The following SLC27A4 variants were observed in gnomAD, a reference collection of about 807,000 sequenced individuals.
SLC27A4 encodes the protein solute carrier family 27 member 4.
Under a neutral mutation model 64.4 loss-of-function variants are expected in SLC27A4, and 33 were observed. That is an observed-to-expected ratio of 0.51 (90% CI 0.39 to 0.68). SLC27A4 has a LOEUF of 0.68. Among genes scored for constraint, SLC27A4 ranks in the 30% least tolerant of loss-of-function variants. The pLI is 0.00. For missense variants in SLC27A4, 824 were observed against 883.5 expected (o/e 0.93, Z 0.85); for synonymous variants, 377 against 370.0 (o/e 1.02, Z -0.22).
Position 128,353,708 on chromosome 9 carries a change from G to T in SLC27A4, c.1324+167G>T, listed in dbSNP as rs909944610. On this transcript the variant is annotated intron_variant, in intron 9 of 12. Coordinates refer to ENST00000300456, the MANE Select transcript of SLC27A4 (RefSeq NM_005094.4). The surrounding 1 kb of genome is among the most constrained non-coding windows in gnomAD (Gnocchi z 4.9). ...TATCCATCCATTCATTCATTCATTC[G>T]CCATTCTATCTGTACATCAGTCCAT... Among the ~76,000 whole-genome samples, 4 of 151,164 alleles carry T rather than the reference G, an allele frequency of 2.6e-5. No individual in the cohort carries two copies. The highest frequency in any genetic ancestry group is 5.9e-5 in the Non-Finnish European group (4 of 67,912).
intron 6 of SLC27A4, among the ~76,000 whole-genome samples, chr9:128,352,068 G>A (rs972550341): frequency 9.9e-5 from 15 of 151,812 alleles, no homozygotes; most frequent in South Asian, 2.1e-4. Context: ...GGTGGCGGGC[G>A]CCTGTAGTCC....
At chr9:128,341,902 C>T (rs1832578122) in intron 1 of SLC27A4, among the ~76,000 whole-genome samples, 2 of 152,086 alleles carry the variant, frequency 1.3e-5, no homozygotes, top group Admixed American at 1.3e-4. Context: ...CCATGCCTGG[C>T]TAATTTTTGT....
Position 128,355,789 on chromosome 9 carries a change from C to T in SLC27A4, c.1767C>T (p.His589=), listed in dbSNP as rs1403148769. 6.2e-7 allele frequency: 1 copy of T among 1,613,370 alleles called. No individual in the cohort carries two copies. Among genetic ancestry groups the T allele is most frequent in the Non-Finnish European group, 8.5e-7 (1 of 1,180,040 alleles). The change falls in exon 12 of 13, where the codon CAC becomes CAT. Residue 589 remains histidine (H), a synonymous_variant. Transcript: ENST00000300456. ...PIFLRLLPEL[H]KTGTYKFQKT... is the part of the protein sequence containing the mutation. ...TCCTGCGCCTCCTGCCTGAGCTGCACAAAACAGGTGTGTCCCTCCCCTGCT... is the reference window on the plus strand; with the variant it reads ...TCCTGCGCCTCCTGCCTGAGCTGCATAAAACAGGTGTGTCCCTCCCCTGCT...
At chr9:128,356,815 A>G (rs1197033476) in intron 12 of SLC27A4, among the ~76,000 whole-genome samples, 1 of 126,672 alleles carries the variant, frequency 7.9e-6, no homozygotes, top group African/African-American at 3.5e-5. Flanking sequence ...AATTAGGCTG[A>G]GCATGGTGGC....
intron 3 of SLC27A4, among the ~76,000 whole-genome samples, chr9:128,346,725 G>A (rs1832662944): frequency 1.3e-5 from 2 of 151,660 alleles, no homozygotes; most frequent in Admixed American, 1.3e-4. Context: ...TAAAAGGCCG[G>A]GTGTGGTGGC....
rs746641180 is a variant in SLC27A4 at position 128,345,120 on chromosome 9, T to C, written c.162-35T>C. 1.5e-4 allele frequency: 245 copies of C among 1,612,530 alleles called. No individual in the cohort carries two copies. The highest frequency in any genetic ancestry group is 1.9e-4 in the Non-Finnish European group (226 of 1,179,936). Reference sequence around the variant, plus strand: ...TGTCAGGACCCCTCCCTCCCAACCATGGCAGACACAGCGCCCTCTCTTGTT... The same window carrying C: ...TGTCAGGACCCCTCCCTCCCAACCACGGCAGACACAGCGCCCTCTCTTGTT... On this transcript the variant is annotated intron_variant, in intron 2 of 12. Transcript: ENST00000300456. This position sits in a 1 kb window ranked among gnomAD's most constrained non-coding sequence, Gnocchi z 4.1.
At chr9:128,354,953 CAAAAAA>C (rs139411337) in intron 9 of SLC27A4, 94 bp from the exon 10 acceptor site, 409 of 727,546 alleles carry the variant, frequency 5.6e-4, no homozygotes, top group Middle Eastern at 1.4e-3. Flanking sequence ...AACTCCGTCT[CAAAAAA>C]AAAAAAAAAA....
chr9:128,341,851 G>T (rs1832577385), intron 1 of SLC27A4, among the ~76,000 whole-genome samples: 1 of 152,112 alleles, frequency 6.6e-6, no homozygotes, highest in African/African-American at 2.4e-5. Context: ...CAATTCTTCT[G>T]CCTCAGCCTC....
intron 1 of SLC27A4, 85 bp downstream of exon 1, chr9:128,340,923 G>C (rs1007131332): frequency 6.3e-4 from 314 of 494,862 alleles, no homozygotes; most frequent in Non-Finnish European, 1.0e-3. Context: ...GACCCCAGGT[G>C]GGGGGCGCGC....
Position 128,360,665 on chromosome 9 carries a change from A to T in SLC27A4, c.*174A>T. ...GACTCATTGCCTTCCCAACCCTTCC[A>T]GAGGCTTTCTGTGAAAGTCTCATGT... On this transcript the variant is annotated 3_prime_UTR_variant, in exon 13 of 13. Transcript: ENST00000300456. The T allele has an allele frequency of 1.5e-6, 1 of 648,824 alleles. No homozygotes were observed. 40.2% of individuals were successfully genotyped at this position (648,824 alleles called of 1,614,324 possible). A position where few individuals can be genotyped will look rare whatever the true frequency, so the allele number is the denominator to read the frequency against.
At chr9:128,351,683 C>T (rs2131263477) in intron 6 of SLC27A4, among the ~76,000 whole-genome samples, 1 of 152,126 alleles carries the variant, frequency 6.6e-6, no homozygotes, top group Admixed American at 6.5e-5. Flanking sequence ...TGCCATTGCA[C>T]ATCAGCCTGG....
intron 9 of SLC27A4, 60 bp from the exon 10 acceptor site, chr9:128,354,993 T>A: frequency 7.3e-7 from 1 of 1,374,404 alleles, no homozygotes; most frequent in East Asian, 2.6e-5. Flanking sequence ...GTACACCTGG[T>A]GACAGGACGG....
At chr9:128,348,515 C>T (rs1196039064) in intron 3 of SLC27A4, 30 bp from the exon 4 acceptor site, 4 of 1,611,704 alleles carry the variant, frequency 2.5e-6, no homozygotes, top group Admixed American at 3.3e-5. Context: ...GTTTTCTGGC[C>T]TGCCTGCTGA....
Position 128,345,819 on chromosome 9 carries a change from G to A in SLC27A4, c.556+270G>A, listed in dbSNP as rs192073980. Among the ~76,000 whole-genome samples the A allele has an allele frequency of 6.6e-6, 1 of 152,354 alleles. No homozygotes were observed. On this transcript the variant is annotated intron_variant, in intron 3 of 12. Coordinates refer to ENST00000300456, the MANE Select transcript of SLC27A4 (RefSeq NM_005094.4). The surrounding 1 kb of genome is among the most constrained non-coding windows in gnomAD (Gnocchi z 4.1). ...ATAGTGGCTCACAGCTGTAATCCCAGCATGTTGGGAGGCCAAGGCAGGAGG... is the reference window on the plus strand; with the variant it reads ...ATAGTGGCTCACAGCTGTAATCCCAACATGTTGGGAGGCCAAGGCAGGAGG...
intron 7 of SLC27A4, 42 bp from the exon 8 acceptor site, chr9:128,352,983 G>C (rs577122653): frequency 6.5e-7 from 1 of 1,541,102 alleles, no homozygotes; most frequent in Admixed American, 1.8e-5. Context: ...GTGTAGTGAG[G>C]GCAGCCTCTG....
At chr9:128,341,243 CT>C (rs528811627) in intron 1 of SLC27A4, among the ~76,000 whole-genome samples, 154 of 152,318 alleles carry the variant, frequency 1.0e-3, no homozygotes, top group Non-Finnish European at 1.9e-3. Context: ...AGACCATTCC[CT>C]TTTCCTGGCT....
chr9:128,348,327 C>G (rs1832687069), intron 3 of SLC27A4, among the ~76,000 whole-genome samples: 1 of 152,168 alleles, frequency 6.6e-6, no homozygotes, highest in Non-Finnish European at 1.5e-5. Flanking sequence ...GGCTGTGAGA[C>G]CAGGGAATGC....
intron 3 of SLC27A4, among the ~76,000 whole-genome samples, chr9:128,347,840 T>G (rs1358513514): frequency 3.0e-5 from 4 of 133,530 alleles, no homozygotes; most frequent in African/African-American, 5.8e-5. Flanking sequence ...CTGGACAATA[T>G]AGTGAGACCC....
Position 128,353,776 on chromosome 9 carries a change from C to T in SLC27A4, c.1324+235C>T, listed in dbSNP as rs1832775870. Among the ~76,000 whole-genome samples the T allele has an allele frequency of 6.7e-6, 1 of 149,864 alleles. No individual in the cohort carries two copies. Among genetic ancestry groups the T allele is most frequent in the Admixed American group, 6.6e-5 (1 of 15,122 alleles). On this transcript the variant is annotated intron_variant, in intron 9 of 12. Coordinates refer to ENST00000300456, the MANE Select transcript of SLC27A4 (RefSeq NM_005094.4). The surrounding 1 kb of genome is among the most constrained non-coding windows in gnomAD (Gnocchi z 4.9). ...TTTTTTTATTTGAGACGGAGTCTCG[C>T]TCTGTCGCCCAGGCTGGAGTGCAGT...
Sources: gnomAD v4.1 joint callset for allele counts (sites outside exome capture counted in the v4.1 genomes callset) on GRCh38, gnomAD v4.1.1 for gene constraint, Gnocchi (gnomAD v3.1) non-coding constraint, MANE v1.5 for transcripts, NCBI Gene and HGNC (gene_info 2026-07-23, HGNC 2026-07-21) for gene names.